Variants in SPSB3 observed in about 807,000 individuals in gnomAD.
SPSB3 encodes the protein SPRY domain-containing SOCS box protein 3.
SPSB3 carries 18 observed loss-of-function variants against 29.5 expected under a neutral mutation model. The ratio of observed to expected loss-of-function variants is 0.61; its 90% CI spans 0.42 to 0.91. SPSB3 has a LOEUF of 0.91. SPSB3 is among the 40% of genes least tolerant of loss of function. The probability of loss-of-function intolerance (pLI) is 0.00; values close to 1 mark genes in which losing one functional copy is unlikely to be tolerated. For synonymous variants in SPSB3, 299 were observed against 214.1 expected (o/e 1.40, Z -3.46); for missense variants, 540 against 507.5 (o/e 1.06, Z -0.61).
At position 1,777,850 on chromosome 16, in the gene SPSB3, G is replaced by C. The variant is rs1020238054; in HGVS notation, c.618C>G (p.Asp206Glu). The C allele has an allele frequency of 6.2e-7, 1 of 1,612,764 alleles. No individual in the cohort carries two copies. Among genetic ancestry groups the C allele is most frequent in the Non-Finnish European group, 8.5e-7 (1 of 1,179,852 alleles). ...CGAACCGCGATGAGAAGCTGGTCTT[G>C]TCGCCCTTGTGGTGGAGGAGGCCTG... Reference protein sequence around the residue: ...SYTGLLHHKGDKTSFSSRFGQ... With the variant: ...SYTGLLHHKGEKTSFSSRFGQ... Residue 206 changes from aspartate to glutamate, a missense_variant, in exon 6 of 7, where the codon GAC becomes GAG. Asp to Glu is a conservative substitution (Grantham distance 45). Transcript: ENST00000566339.
chr16:1,777,011 T>C lies in SPSB3; in HGVS notation c.*86A>G. 6.8e-7 allele frequency: 1 copy of C among 1,470,752 alleles called. No individual in the cohort carries two copies. The highest frequency in any genetic ancestry group is 9.2e-7 in the Non-Finnish European group (1 of 1,084,946). The allele number at this position is 1,470,752 out of a possible 1,614,324, so 91.1% of individuals were successfully genotyped here. A position where few individuals can be genotyped will look rare whatever the true frequency, so the allele number is the denominator to read the frequency against. On this transcript the variant is annotated 3_prime_UTR_variant, in exon 7 of 7. Coordinates refer to ENST00000566339, the MANE Select transcript of SPSB3 (RefSeq NM_080861.4). ...GGCCTCATCCAACTCCGCCCTGGAGTGTGGCTGGAAGGAAGGGACAGAGAA... is the reference window on the plus strand; with the variant it reads ...GGCCTCATCCAACTCCGCCCTGGAGCGTGGCTGGAAGGAAGGGACAGAGAA...
chr16:1,779,276 G>C (rs917896111), intron 2 of SPSB3: 4 of 152,396 alleles, frequency 2.6e-5, no homozygotes, highest in African/African-American at 9.6e-5. Context: ...GGGAGGCAGT[G>C]CCCCTCCCAG....
chr16:1,779,128 T>G (rs1351241863), intron 2 of SPSB3: 2 of 153,928 alleles, frequency 1.3e-5, no homozygotes, highest in East Asian at 3.8e-4. Context: ...CCGCCCCTCC[T>G]GGTGCAGGTT....
Position 1,781,635 on chromosome 16 carries a change from A to G in SPSB3, c.-12-140T>C, listed in dbSNP as rs972553380. ...CCCAGCCAGGGCTCCAGAACGCTTC[A>G]GGAGCCCGTACCTCACTCCAGGATC... On this transcript the variant is annotated intron_variant, in intron 1 of 6. Transcript: ENST00000566339. 6 of 857,162 alleles carry G rather than the reference A, an allele frequency of 7.0e-6. No individual in the cohort carries two copies. In the Admixed American group the frequency reaches 1.7e-4, roughly 25 times the overall value. 53.1% of individuals were successfully genotyped at this position (857,162 alleles called of 1,614,324 possible).
chr16:1,777,480 G>T, intron 6 of SPSB3, 37 bp from the exon 7 acceptor site: 1 of 1,460,508 alleles, frequency 6.8e-7, no homozygotes, highest in Non-Finnish European at 9.0e-7. Context: ...CCCAGGCAGG[G>T]AAGGGGCCAG....
intron 3 of SPSB3, 24 bp downstream of exon 3, chr16:1,778,411 G>A (rs1278545489): frequency 1.0e-5 from 16 of 1,605,772 alleles, no homozygotes; most frequent in Non-Finnish European, 1.2e-5. Context: ...TGCAGTCCCA[G>A]CAGGGGCTGG....
At position 1,781,410 on chromosome 16, in the gene SPSB3, C is replaced by T. The variant is rs1230178207; in HGVS notation, c.74G>A (p.Arg25Gln). 10 of 1,612,840 alleles carry T rather than the reference C, an allele frequency of 6.2e-6. No individual in the cohort carries two copies. Among genetic ancestry groups the T allele is most frequent in the Admixed American group, 1.7e-5 (1 of 60,010 alleles). The change falls in exon 2 of 7, where the codon CGG (arginine) becomes CAG (glutamine). Residue 25 changes from arginine (R) to glutamine (Q), a missense_variant. Transcript: ENST00000566339. The stretch of plus-strand genomic sequence containing the variant: ...AGTGGAGCCTGCTAGAGCCACGGCC[C>T]GGGCATCTGCGTCTCGGCGGGCTGC... Reference protein sequence around the residue: ...LSAARRDADARAVALAGSTNW... With the variant: ...LSAARRDADAQAVALAGSTNW...
At position 1,777,314 on chromosome 16, in the gene SPSB3, CGGT is replaced by C. The variant is rs1486088219; in HGVS notation, c.848_850del (p.His283del). The C allele has an allele frequency of 6.2e-7, 1 of 1,609,720 alleles. No individual in the cohort carries two copies. Among genetic ancestry groups the C allele is most frequent in the Non-Finnish European group, 8.5e-7 (1 of 1,179,668 alleles). On this transcript the variant is annotated inframe_deletion, in exon 7 of 7. Coordinates refer to ENST00000566339, the MANE Select transcript of SPSB3 (RefSeq NM_080861.4). ...CGAGTCTGGCCGCAGCTGGCGCAGG[CGGT>C]GGCAGCACAGGTACTGGAGGGAAGT... is the stretch of plus-strand genomic sequence containing the variant.
intron 1 of SPSB3, chr16:1,781,907 T>C: frequency 4.9e-6 from 1 of 202,950 alleles, no homozygotes; most frequent in South Asian, 6.7e-5. Flanking sequence ...CACCTTCCCC[T>C]CACGCCCGGC....
chr16:1,782,020 C>G (rs1896737593), intron 1 of SPSB3: 1 of 178,040 alleles, frequency 5.6e-6, no homozygotes, highest in Non-Finnish European at 1.2e-5. Flanking sequence ...TCGTGAAACA[C>G]AAATCTTAAA....
At chr16:1,782,011 C>G (rs1161963808) in intron 1 of SPSB3, 1 of 177,186 alleles carries the variant, frequency 5.6e-6, no homozygotes, top group Non-Finnish European at 1.2e-5. Context: ...CAGGGCTCCT[C>G]GTGAAACACA....
chr16:1,777,121 C>T lies in SPSB3; in HGVS notation c.1044G>A (p.Gln348=). 6.2e-7 allele frequency: 1 copy of T among 1,611,622 alleles called. No homozygotes were observed. Among genetic ancestry groups the T allele is most frequent in the Non-Finnish European group, 8.5e-7 (1 of 1,179,460 alleles). Residue 348 remains glutamine, a synonymous_variant, in exon 7 of 7, where the codon CAG becomes CAA. Coordinates refer to ENST00000566339, the MANE Select transcript of SPSB3 (RefSeq NM_080861.4). ...GTCAGGTCCGGCGGCAGCGCTTCCT[C>T]TGGCAGGGCCGAGGCTCGCGACTGC... is the stretch of plus-strand genomic sequence containing the variant. ...HPSSREPRPC[Q]RKRCRRT
chr16:1,777,147 TG>T lies in SPSB3; in HGVS notation c.1017del (p.Ser340AlafsTer18). The T allele has an allele frequency of 6.2e-7, 1 of 1,611,600 alleles. No individual in the cohort carries two copies. The part of the protein sequence containing the change: ...SDPQAATSAH[P>X]SSREPRPCQR... ...TGGCAGGGCCGAGGCTCGCGACTGC[TG>T]GGGTGGGCGGAGGTCGCTGCCTGGG... is the stretch of plus-strand genomic sequence containing the variant. On this transcript the variant is annotated frameshift_variant, in exon 7 of 7. Coordinates refer to ENST00000566339, the MANE Select transcript of SPSB3 (RefSeq NM_080861.4). LOFTEE classifies it high-confidence loss of function.
chr16:1,777,592 G>T (rs1454956320), intron 6 of SPSB3, 149 bp from the exon 7 acceptor site: 1 of 1,394,536 alleles, frequency 7.2e-7, no homozygotes, highest in Admixed American at 2.3e-5. Context: ...TGCCACTCCA[G>T]CCTGGCCTCA....
rs1322927870 is a variant in SPSB3, at chr16:1,781,141, T to C, written c.126+217A>G. The C allele has an allele frequency of 5.3e-6, 8 of 1,509,968 alleles. No individual in the cohort carries two copies. The East Asian group carries it at 2.0e-4, about 38-fold the overall frequency. 93.5% of individuals were successfully genotyped at this position (1,509,968 alleles called of 1,614,324 possible). A position where few individuals can be genotyped will look rare whatever the true frequency, so the allele number is the denominator to read the frequency against. On this transcript the variant is annotated intron_variant, in intron 2 of 6. Transcript: ENST00000566339. Reference sequence around the variant, plus strand: ...GTGAAGAATGCAGTGTGTTCTGAGGTCCTGTCACCCCTGAGGCTGTGTGTG... The same window carrying C: ...GTGAAGAATGCAGTGTGTTCTGAGGCCCTGTCACCCCTGAGGCTGTGTGTG...
chr16:1,777,070 A>C lies in SPSB3; in HGVS notation c.*27T>G, dbSNP rs2042724538. ...CAGAGGAAAGGGGCTGTCCCAGCCC[A>C]AGAAGGCAGTTCCACTGGGAAGTCA... On this transcript the variant is annotated 3_prime_UTR_variant, in exon 7 of 7. Coordinates refer to ENST00000566339, the MANE Select transcript of SPSB3 (RefSeq NM_080861.4). 1 of 1,603,376 alleles carries C rather than the reference A, an allele frequency of 6.2e-7. No homozygotes were observed. The highest frequency in any genetic ancestry group is 8.5e-7 in the Non-Finnish European group (1 of 1,174,238).
In SPSB3 at chr16:1,778,200, C is replaced by T. The variant is rs1415656730; in HGVS notation, c.426G>A (p.Lys142=). 4 of 1,612,978 alleles carry T rather than the reference C, an allele frequency of 2.5e-6. No homozygotes were observed. The Admixed American group carries it at 5.0e-5, about 20-fold the overall frequency. The part of the protein sequence containing the change: ...SCGTAAIRGT[K]ELGEGQHFWE... Reference sequence around the variant, plus strand: ...AGAAGTGCTGGCCCTCCCCCAGCTCCTTGGTGCCCCGGATGGCCGCTGTGC... The same window carrying T: ...AGAAGTGCTGGCCCTCCCCCAGCTCTTTGGTGCCCCGGATGGCCGCTGTGC... Residue 142 remains lysine, a synonymous_variant, in exon 4 of 7, where the codon AAG becomes AAA. Transcript: ENST00000566339.
At position 1,778,031 on chromosome 16, in the gene SPSB3, C is replaced by T. The variant is rs769885735; in HGVS notation, c.510G>A (p.Thr170=). The change falls in exon 5 of 7, where the codon ACG becomes ACA. Residue 170 remains threonine, a synonymous_variant. Coordinates refer to ENST00000566339, the MANE Select transcript of SPSB3 (RefSeq NM_080861.4). ...YGTDMMVGIG[T]SDVDLDKYRH... is the part of the protein sequence containing the mutation. ...GGTATTTGTCCAGGTCCACATCCGA[C>T]GTCCCGATGCCCACCATCTAGGAAC... 20 of 1,613,108 alleles carry T rather than the reference C, an allele frequency of 1.2e-5. No homozygotes were observed. Among genetic ancestry groups the T allele is most frequent in the East Asian group, 8.9e-5 (4 of 44,880 alleles).
chr16:1,781,155 A>G, intron 2 of SPSB3: 2 of 1,526,256 alleles, frequency 1.3e-6, no homozygotes, highest in Non-Finnish European at 1.8e-6. Context: ...GTCACCCCTG[A>G]GGCTGTGTGT....
Sources: allele counts gnomAD v4.1 joint callset, GRCh38; gene constraint gnomAD v4.1.1; transcripts MANE v1.5; gene names NCBI Gene and HGNC (gene_info 2026-07-23, HGNC 2026-07-21).